Variants in TMEM154 observed in about 807,000 individuals in gnomAD.
The protein encoded by TMEM154 is transmembrane protein 154.
TMEM154 carries 27 observed loss-of-function variants against 24.5 expected under a neutral mutation model. The observed-to-expected ratio is 1.10, with a 90% CI of 0.81 to 1.52. TMEM154 has a LOEUF of 1.52. Ranked by LOEUF, TMEM154 falls within the 40% of genes most tolerant of loss-of-function variation. The pLI, the probability that TMEM154 is intolerant of heterozygous loss-of-function variation, is 0.00. For missense variants in TMEM154, 228 were observed against 213.4 expected (o/e 1.07, Z -0.43); for synonymous variants, 67 against 76.8 (o/e 0.87, Z 0.67).
Position 152,619,675 on chromosome 4 carries a change from G to C in TMEM154, c.*8871C>G, listed in dbSNP as rs1228387099. The C allele has an allele frequency of 1.3e-5, 2 of 152,196 alleles. No homozygotes were observed. The highest frequency in any genetic ancestry group is 3.9e-4 in the East Asian group (2 of 5,192). The allele number at this position is 152,196 out of a possible 1,614,324, so 9.4% of individuals were successfully genotyped here. ...CTGTGAAGAAGCCCAAGGAGTCTATGGAGAGGCCCACATCATAAAAGCCAA... is the reference window on the plus strand; with the variant it reads ...CTGTGAAGAAGCCCAAGGAGTCTATCGAGAGGCCCACATCATAAAAGCCAA... On this transcript the variant is annotated 3_prime_UTR_variant, in exon 7 of 7. Coordinates refer to ENST00000304385, the MANE Select transcript of TMEM154 (RefSeq NM_152680.3).
At chr4:152,660,674 AG>A (rs763970959) in intron 1 of TMEM154, among the ~76,000 whole-genome samples, 4 of 152,198 alleles carry the variant, frequency 2.6e-5, no homozygotes, top group Admixed American at 6.5e-5. Context: ...TCCCTCAGGG[AG>A]GAATGCAATG....
In TMEM154 at chr4:152,622,748, A is replaced by C. The variant is rs896463039; in HGVS notation, c.*5798T>G. ...ACTATACATATTATTCTCAGTATGC[A>C]AAGTAGGAGAAAAACACCTAAAACC... is the stretch of plus-strand genomic sequence containing the variant. On this transcript the variant is annotated 3_prime_UTR_variant, in exon 7 of 7. Coordinates refer to ENST00000304385, the MANE Select transcript of TMEM154 (RefSeq NM_152680.3). 3 of 152,230 alleles carry C rather than the reference A, an allele frequency of 2.0e-5. No homozygotes were observed. Among genetic ancestry groups the C allele is most frequent in the African/African-American group, 7.2e-5 (3 of 41,454 alleles). 9.4% of individuals were successfully genotyped at this position (152,230 alleles called of 1,614,324 possible).
intron 3 of TMEM154, among the ~76,000 whole-genome samples, chr4:152,647,839 T>C (rs938253085): frequency 2.1e-4 from 32 of 152,122 alleles, no homozygotes; most frequent in Non-Finnish European, 4.7e-4. Flanking sequence ...ATGAGGTGGG[T>C]ATTGAATTTG....
chr4:152,660,823 C>T (rs1728587011), intron 1 of TMEM154, among the ~76,000 whole-genome samples: 1 of 152,220 alleles, frequency 6.6e-6, no homozygotes, highest in South Asian at 2.1e-4. Flanking sequence ...CTCGGCTTTA[C>T]TGGGGCTCTT....
At chr4:152,643,035 G>A (rs1393244102) in intron 5 of TMEM154, 53 bp downstream of exon 5, 10 of 1,321,624 alleles carry the variant, frequency 7.6e-6, no homozygotes, top group Non-Finnish European at 1.1e-5. Flanking sequence ...AGCTGTTGCA[G>A]CCTTCTGTTA....
In TMEM154 at chr4:152,628,470, C is replaced by T. The variant is rs979242038; in HGVS notation, c.*76G>A. 3 of 1,563,240 alleles carry T rather than the reference C, an allele frequency of 1.9e-6. No individual in the cohort carries two copies. Among genetic ancestry groups the T allele is most frequent in the Non-Finnish European group, 2.6e-6 (3 of 1,147,636 alleles). On this transcript the variant is annotated 3_prime_UTR_variant, in exon 7 of 7. Transcript: ENST00000304385. Reference sequence around the variant, plus strand: ...TTGAAATTAATTAAATTTGTATCCTCTTCATCCTCTGTTGGCAGCCTCAGC... The same window carrying T: ...TTGAAATTAATTAAATTTGTATCCTTTTCATCCTCTGTTGGCAGCCTCAGC...
chr4:152,631,469 T>C (rs1383471666), intron 6 of TMEM154, among the ~76,000 whole-genome samples: 1 of 152,232 alleles, frequency 6.6e-6, no homozygotes, highest in Non-Finnish European at 1.5e-5. Context: ...GCTCTTGCCA[T>C]GTCACCCAGG....
intron 6 of TMEM154, among the ~76,000 whole-genome samples, chr4:152,631,895 C>A (rs369555959): frequency 5.4e-4 from 79 of 147,032 alleles, no homozygotes; most frequent in African/African-American, 1.9e-3. Flanking sequence ...AGCTCCACCT[C>A]CCAGGTTCAC....
rs1751965587 is a variant in TMEM154 at position 152,628,596 on chromosome 4, A to ACACAC, written c.537-36_537-35insGTGTG. 4 of 1,173,998 alleles carry ACACAC rather than the reference A, an allele frequency of 3.4e-6. No individual in the cohort carries two copies. In the African/African-American group the frequency reaches 7.5e-5, roughly 22 times the overall value. The allele number at this position is 1,173,998 out of a possible 1,614,324, so 72.7% of individuals were successfully genotyped here. A position where few individuals can be genotyped will look rare whatever the true frequency, so the allele number is the denominator to read the frequency against. ...AAAAAAAAAAAAAAAAAAAAAACAA[A>ACACAC]AAAAACACACACACACACACAAAAC... On this transcript the variant is annotated intron_variant, in intron 6 of 6. Coordinates refer to ENST00000304385, the MANE Select transcript of TMEM154 (RefSeq NM_152680.3).
chr4:152,631,792 C>CTTTTTTTTTTTTTTTTT (rs1752047652), intron 6 of TMEM154, among the ~76,000 whole-genome samples: 1 of 131,462 alleles, frequency 7.6e-6, no homozygotes, highest in Non-Finnish European at 1.6e-5. Context: ...AATCTATCCC[C>CTTTTTTTTTTTTTTTTT]CTTTTTTTTT....
rs1038881466 is a variant in TMEM154, at chr4:152,622,143, A to G, written c.*6403T>C. On this transcript the variant is annotated 3_prime_UTR_variant, in exon 7 of 7. Transcript: ENST00000304385. ...TACTAGAAATATTTTTAAAAGTTAT[A>G]TTCTCATAAACAATTAAAATTTCAT... The G allele has an allele frequency of 6.6e-6, 1 of 152,220 alleles. No homozygotes were observed. Among genetic ancestry groups the G allele is most frequent in the African/African-American group, 2.4e-5 (1 of 41,462 alleles). The allele number at this position is 152,220 out of a possible 1,614,324, so 9.4% of individuals were successfully genotyped here. A position where few individuals can be genotyped will look rare whatever the true frequency, so the allele number is the denominator to read the frequency against.
Position 152,641,180 on chromosome 4 carries a change from A to G in TMEM154, c.479-195T>C, listed in dbSNP as rs1268829238. ...GAAATGGAAAAAGCACTAATAACAC[A>G]GATGCAAAACTTCAACATGCCTCTG... is the stretch of plus-strand genomic sequence containing the variant. On this transcript the variant is annotated intron_variant, in intron 5 of 6. Transcript: ENST00000304385. 21 of 530,002 alleles carry G rather than the reference A, an allele frequency of 4.0e-5. No homozygotes were observed. In the Admixed American group the frequency reaches 5.2e-4, roughly 13 times the overall value. 32.8% of individuals were successfully genotyped at this position (530,002 alleles called of 1,614,324 possible).
At chr4:152,646,904 A>T in intron 3 of TMEM154, 1 of 701,890 alleles carries the variant, frequency 1.4e-6, no homozygotes, top group Non-Finnish European at 2.6e-6. Context: ...AGCCTGTTTA[A>T]AGGGGTAGTT....
chr4:152,652,211 GTTGAAAAAATGATACCAATAGACTGGT>G (rs1728398244), intron 3 of TMEM154, among the ~76,000 whole-genome samples: 1 of 150,408 alleles, frequency 6.6e-6, no homozygotes, highest in Non-Finnish European at 1.5e-5. Flanking sequence ...AACATGTGCT[GTTGAAAAAATGATACCAATAGACTGGT>G]TTGAGGCAAT....
chr4:152,652,447 A>G (rs769956159), intron 3 of TMEM154, 91 bp downstream of exon 3: 62 of 1,570,092 alleles, frequency 3.9e-5, no homozygotes, highest in Non-Finnish European at 5.1e-5. Flanking sequence ...ACTTACTATT[A>G]TATGTAGTCC....
At chr4:152,653,954 G>A (rs1728440987) in intron 1 of TMEM154, among the ~76,000 whole-genome samples, 1 of 151,696 alleles carries the variant, frequency 6.6e-6, no homozygotes, top group Non-Finnish European at 1.5e-5. Context: ...CAAGAGAATT[G>A]CTTGAACCCA....
intron 1 of TMEM154, among the ~76,000 whole-genome samples, chr4:152,670,646 G>T (rs1038367042): frequency 6.6e-6 from 1 of 152,112 alleles, no homozygotes; most frequent in African/African-American, 2.4e-5. Context: ...ATTTGGGATA[G>T]TTAGCTAATA....
At chr4:152,645,277 T>C (rs889880995) in intron 3 of TMEM154, among the ~76,000 whole-genome samples, 9 of 152,188 alleles carry the variant, frequency 5.9e-5, no homozygotes, top group Non-Finnish European at 1.0e-4. Context: ...AATGATTAGG[T>C]GTTAACCTCA....
At chr4:152,647,314 T>C (rs1305384779) in intron 3 of TMEM154, 1 of 985,174 alleles carries the variant, frequency 1.0e-6, no homozygotes, top group African/African-American at 1.8e-5. Flanking sequence ...CCTTCCATGA[T>C]AGTTGTATTT....
Sources: gnomAD v4.1 joint callset for allele counts (sites outside exome capture counted in the v4.1 genomes callset) on GRCh38, gnomAD v4.1.1 for gene constraint, MANE v1.5 for transcripts, NCBI Gene and HGNC (gene_info 2026-07-23, HGNC 2026-07-21) for gene names.